Variants in SDCCAG8 observed in about 807,000 individuals in gnomAD.
The protein encoded by SDCCAG8 is serologically defined colon cancer antigen 8.
In SDCCAG8, 74 loss-of-function variants were observed where a neutral mutation model predicts 101.8. The observed-to-expected ratio is 0.73, with a 90% CI of 0.60 to 0.88. SDCCAG8 has a LOEUF of 0.88. SDCCAG8 is among the 40% of genes least tolerant of loss of function. The pLI, the probability that SDCCAG8 is intolerant of heterozygous loss-of-function variation, is 0.00. For missense variants in SDCCAG8, 787 were observed against 822.6 expected (o/e 0.96, Z 0.53); for synonymous variants, 281 against 292.9 (o/e 0.96, Z 0.41).
rs1327463830 is a variant in SDCCAG8, at chr1:243,295,377, A to G, written c.675+2158A>G. On this transcript the variant is annotated intron_variant, in intron 6 of 17. Transcript: ENST00000366541. ...CTCAGCACCCCAAGTAGCTGGGACTACAGGTGTGCGCCACCATGCCCGGCT... is the reference window on the plus strand; with the variant it reads ...CTCAGCACCCCAAGTAGCTGGGACTGCAGGTGTGCGCCACCATGCCCGGCT... Among the ~76,000 whole-genome samples, 3 of 152,114 alleles carry G rather than the reference A, an allele frequency of 2.0e-5. No individual in the cohort carries two copies. The East Asian group carries it at 5.8e-4, about 29-fold the overall frequency.
intron 13 of SDCCAG8, among the ~76,000 whole-genome samples, chr1:243,405,521 G>A (rs1005073208): frequency 1.3e-5 from 2 of 152,058 alleles, no homozygotes; most frequent in Admixed American, 6.5e-5. Flanking sequence ...AATGAGCAAC[G>A]ATCCATAGGC....
chr1:243,383,732 A>T (rs74587789), intron 13 of SDCCAG8, among the ~76,000 whole-genome samples: 2,095 of 152,226 alleles, frequency 0.014, 52 homozygotes, highest in African/African-American at 0.049. Flanking sequence ...AAAACCTTCC[A>T]TGGTGCCACT....
At position 243,268,398 on chromosome 1, in the gene SDCCAG8, A is replaced by G. The variant is rs1004963974; in HGVS notation, c.68-1707A>G. Among the ~76,000 whole-genome samples, 8 of 152,364 alleles carry G rather than the reference A, an allele frequency of 5.3e-5. No individual in the cohort carries two copies. In the East Asian group the frequency reaches 1.3e-3, roughly 26 times the overall value. ...AACTATCACAGTTTCATATATTCCCAAAACCAGGAATGCGTCTTATCTGAA... is the reference window on the plus strand; with the variant it reads ...AACTATCACAGTTTCATATATTCCCGAAACCAGGAATGCGTCTTATCTGAA... On this transcript the variant is annotated intron_variant, in intron 1 of 17. Coordinates refer to ENST00000366541, the MANE Select transcript of SDCCAG8 (RefSeq NM_006642.5).
chr1:243,383,149 G>A (rs2078061385), intron 13 of SDCCAG8, among the ~76,000 whole-genome samples: 1 of 152,144 alleles, frequency 6.6e-6, no homozygotes, highest in South Asian at 2.1e-4. Flanking sequence ...CAGCCGATAA[G>A]ACTGAAATGG....
intron 16 of SDCCAG8, among the ~76,000 whole-genome samples, chr1:243,469,189 G>A (rs1312227530): frequency 2.0e-5 from 3 of 152,104 alleles, no homozygotes; most frequent in Admixed American, 6.5e-5. Flanking sequence ...CTTTATTAAC[G>A]GTCGAATTGG....
At chr1:243,430,702 T>G (rs2081683759) in intron 16 of SDCCAG8, among the ~76,000 whole-genome samples, 1 of 152,014 alleles carries the variant, frequency 6.6e-6, no homozygotes, top group African/African-American at 2.4e-5. Context: ...CCTCCCAAAG[T>G]GCTGGGATTA....
At chr1:243,400,165 GT>G (rs1164227811) in intron 13 of SDCCAG8, among the ~76,000 whole-genome samples, 1 of 152,196 alleles carries the variant, frequency 6.6e-6, no homozygotes, top group African/African-American at 2.4e-5. Context: ...TTTCTTGACA[GT>G]AGGGCTTCTC....
rs753503326 is a variant in SDCCAG8, at chr1:243,418,056, A to G, written c.1833A>G (p.Glu611=). The G allele has an allele frequency of 7.4e-6, 12 of 1,612,008 alleles. No homozygotes were observed. Among genetic ancestry groups the G allele is most frequent in the Middle Eastern group, 1.6e-4 (1 of 6,072 alleles). Residue 611 remains glutamate (E), a synonymous_variant, in exon 15 of 18, where the codon GAA becomes GAG. Transcript: ENST00000366541. ...EECCTLAKKL[E]QISQKTRSEI... ...GCTGTACATTAGCCAAGAAACTGGA[A>G]CAAATCTCTCAAAAAACCAGGTAGG...
In SDCCAG8 at chr1:243,378,735, G is replaced by T. The variant is rs1432354431; in HGVS notation, c.1488G>T (p.Leu496Phe). The T allele has an allele frequency of 1.3e-5, 21 of 1,613,882 alleles. No individual in the cohort carries two copies. The highest frequency in any genetic ancestry group is 1.6e-5 in the Non-Finnish European group (19 of 1,179,964). The change falls in exon 13 of 18, where the codon TTG (leucine) becomes TTT (phenylalanine). Residue 496 changes from leucine (L) to phenylalanine (F), a missense_variant. Coordinates refer to ENST00000366541, the MANE Select transcript of SDCCAG8 (RefSeq NM_006642.5). ...LEIKDQEIEKLRIELDESKQH... is the reference protein window; with the variant it reads ...LEIKDQEIEKFRIELDESKQH... ...CTCTACCTAAGGAAATAGAGAAATTGAGAATAGAACTGGATGAAAGCAAAC... is the reference window on the plus strand; with the variant it reads ...CTCTACCTAAGGAAATAGAGAAATTTAGAATAGAACTGGATGAAAGCAAAC...
intron 16 of SDCCAG8, among the ~76,000 whole-genome samples, chr1:243,472,477 C>T (rs1290035946): frequency 2.6e-5 from 4 of 152,166 alleles, no homozygotes; most frequent in African/African-American, 7.2e-5. Context: ...CCTCCTTTCT[C>T]ACAGGCAATG....
intron 1 of SDCCAG8, among the ~76,000 whole-genome samples, chr1:243,259,081 C>T (rs1306419678): frequency 6.6e-6 from 1 of 152,134 alleles, no homozygotes; most frequent in African/African-American, 2.4e-5. Context: ...CCCTATTTTC[C>T]GTGATCGTAC....
intron 9 of SDCCAG8, among the ~76,000 whole-genome samples, chr1:243,323,225 C>T (rs1284708890): frequency 6.6e-6 from 1 of 151,994 alleles, no homozygotes; most frequent in Non-Finnish European, 1.5e-5. Context: ...ATTCTTTTCT[C>T]TGCAGTTGAA....
chr1:243,271,094 C>T, intron 3 of SDCCAG8, 31 bp downstream of exon 3: 1 of 1,459,622 alleles, frequency 6.9e-7, no homozygotes, highest in Non-Finnish European at 9.6e-7. Context: ...GTTGACAAAG[C>T]ATTCCTGTGT....
intron 16 of SDCCAG8, among the ~76,000 whole-genome samples, chr1:243,463,357 T>G (rs1348734320): frequency 6.6e-6 from 1 of 152,254 alleles, no homozygotes; most frequent in African/African-American, 2.4e-5. Flanking sequence ...GCCCTTTCTC[T>G]TCTAATATTT....
At chr1:243,371,778 C>G (rs940067364) in intron 12 of SDCCAG8, among the ~76,000 whole-genome samples, 3 of 152,070 alleles carry the variant, frequency 2.0e-5, no homozygotes, top group African/African-American at 7.2e-5. Flanking sequence ...TTGCTATATT[C>G]TAGACCAGTG....
chr1:243,477,107 T>TTCC (rs1662601445), intron 16 of SDCCAG8, among the ~76,000 whole-genome samples: 1 of 152,038 alleles, frequency 6.6e-6, no homozygotes, highest in Non-Finnish European at 1.5e-5. Flanking sequence ...GAATAAAGGG[T>TTCC]ATGTTGGTAT....
intron 12 of SDCCAG8, among the ~76,000 whole-genome samples, chr1:243,359,667 T>G (rs1040237124): frequency 1.3e-5 from 2 of 152,142 alleles, no homozygotes; most frequent in Non-Finnish European, 2.9e-5. Flanking sequence ...GTCCTTAAAG[T>G]CAGGGTCTTA....
At chr1:243,424,095 A>T (rs761881776) in intron 15 of SDCCAG8, among the ~76,000 whole-genome samples, 6 of 152,112 alleles carry the variant, frequency 3.9e-5, no homozygotes, top group Non-Finnish European at 8.8e-5. Flanking sequence ...AATATTTCTT[A>T]TACTTTTTAA....
Position 243,487,275 on chromosome 1 carries a change from C to T in SDCCAG8, c.1986-1739C>T, listed in dbSNP as rs553143375. On this transcript the variant is annotated intron_variant, in intron 16 of 17. Coordinates refer to ENST00000366541, the MANE Select transcript of SDCCAG8 (RefSeq NM_006642.5). The stretch of plus-strand genomic sequence containing the variant: ...TGTTCAGGACAGCCCGGGCCCCCCC[C>T]TGGGGCCTTGCAGGAGAGCTTCTGT... Among the ~76,000 whole-genome samples the T allele has an allele frequency of 5.3e-5, 8 of 152,338 alleles. No homozygotes were observed. The East Asian group carries it at 1.4e-3, about 26-fold the overall frequency.
Sources: gnomAD v4.1 joint callset for allele counts (sites outside exome capture counted in the v4.1 genomes callset) on GRCh38, gnomAD v4.1.1 for gene constraint, MANE v1.5 for transcripts, NCBI Gene and HGNC (gene_info 2026-07-23, HGNC 2026-07-21) for gene names.